MACROD2: variants seen among roughly 807,000 people sequenced by gnomAD.
The protein encoded by MACROD2 is ADP-ribose glycohydrolase MACROD2.
MACROD2 carries 36 observed loss-of-function variants against 70.4 expected under a neutral mutation model. That is an observed-to-expected ratio of 0.51 (90% CI 0.39 to 0.68). MACROD2 has a LOEUF of 0.68. Ranked by LOEUF, MACROD2 falls within the 30% of genes least tolerant of loss-of-function variation. The pLI is 0.00. For synonymous variants in MACROD2, 172 were observed against 178.8 expected (o/e 0.96, Z 0.30); for missense variants, 496 against 538.4 (o/e 0.92, Z 0.78).
chr20:14,126,271 C>T (rs1057073803), intron 3 of MACROD2, among the ~76,000 whole-genome samples: 1 of 152,180 alleles, frequency 6.6e-6, no homozygotes, highest in Non-Finnish European at 1.5e-5. Context: ...TCTGTGCATG[C>T]GCTTCCCTGG....
intron 5 of MACROD2, among the ~76,000 whole-genome samples, chr20:14,714,556 C>T (rs148267551): frequency 1.2e-4 from 18 of 152,336 alleles, no homozygotes; most frequent in African/African-American, 3.1e-4. Context: ...GCCTTCTCTT[C>T]GGTCTCATCC....
At chr20:15,489,741 T>A (rs903026883) in intron 7 of MACROD2, among the ~76,000 whole-genome samples, 1 of 152,112 alleles carries the variant, frequency 6.6e-6, no homozygotes, top group African/African-American at 2.4e-5. Flanking sequence ...GACTGGAGTG[T>A]CTGACATAGA....
At chr20:14,506,099 A>T (rs2084966659) in intron 4 of MACROD2, among the ~76,000 whole-genome samples, 1 of 152,088 alleles carries the variant, frequency 6.6e-6, no homozygotes, top group African/African-American at 2.4e-5. Flanking sequence ...ATAGACTTTG[A>T]GTGGTGAGTG....
intron 8 of MACROD2, among the ~76,000 whole-genome samples, chr20:15,562,342 G>A (rs1173065367): frequency 2.6e-5 from 4 of 152,310 alleles, no homozygotes; most frequent in Non-Finnish European, 4.4e-5. Context: ...TGAAGCCCAT[G>A]TGTGAATACA....
chr20:15,158,082 A>G (rs1352171940), intron 5 of MACROD2, among the ~76,000 whole-genome samples: 2 of 152,150 alleles, frequency 1.3e-5, no homozygotes, highest in Non-Finnish European at 2.9e-5. Flanking sequence ...TATGAAATAA[A>G]TGGAGGTGTT....
intron 3 of MACROD2, among the ~76,000 whole-genome samples, chr20:14,476,252 C>T (rs1182174010): frequency 6.6e-6 from 1 of 152,142 alleles, no homozygotes; most frequent in Non-Finnish European, 1.5e-5. Flanking sequence ...AACAAATATA[C>T]TGAGTTTCCT....
At chr20:15,829,296 T>G (rs2147114205) in intron 8 of MACROD2, among the ~76,000 whole-genome samples, 1 of 152,258 alleles carries the variant, frequency 6.6e-6, no homozygotes, top group South Asian at 2.1e-4. Context: ...TTTCTCCTTC[T>G]CTCCTATCCC....
intron 6 of MACROD2, among the ~76,000 whole-genome samples, chr20:15,354,817 T>C (rs1006296920): frequency 3.3e-5 from 5 of 152,172 alleles, no homozygotes; most frequent in African/African-American, 1.2e-4. Context: ...GAAAAATTGC[T>C]TATATTCATG....
At chr20:15,897,415 T>C (rs903595223) in intron 10 of MACROD2, among the ~76,000 whole-genome samples, 13 of 152,198 alleles carry the variant, frequency 8.5e-5, no homozygotes, top group Admixed American at 3.3e-4. Flanking sequence ...TAGAATTTGC[T>C]GTACTTCTTG....
chr20:14,754,833 G>T, intron 5 of MACROD2, among the ~76,000 whole-genome samples: 1 of 147,928 alleles, frequency 6.8e-6, no homozygotes, highest in African/African-American at 2.5e-5. Flanking sequence ...GGGGATAGTG[G>T]ATTTCCATGA....
intron 5 of MACROD2, among the ~76,000 whole-genome samples, chr20:15,032,725 G>C (rs572626604): frequency 6.6e-6 from 1 of 152,108 alleles, no homozygotes; most frequent in Non-Finnish European, 1.5e-5. Flanking sequence ...TCACTTTTTG[G>C]CATATACCTA....
chr20:15,996,928 A>T (rs2066640263), intron 15 of MACROD2, among the ~76,000 whole-genome samples: 1 of 152,162 alleles, frequency 6.6e-6, no homozygotes, highest in African/African-American at 2.4e-5. Context: ...GTGGGTATCC[A>T]GTTTTCCCAG....
intron 3 of MACROD2, among the ~76,000 whole-genome samples, chr20:14,357,914 G>GGAGCT (rs2083188249): frequency 6.6e-6 from 1 of 152,180 alleles, no homozygotes; most frequent in African/African-American, 2.4e-5. Context: ...AAAAAACTTT[G>GGAGCT]GAGCTGCCAC....
intron 8 of MACROD2, among the ~76,000 whole-genome samples, chr20:15,683,896 T>C (rs1289944710): frequency 6.6e-6 from 1 of 152,166 alleles, no homozygotes; most frequent in Non-Finnish European, 1.5e-5. Flanking sequence ...CTTGCTGTTA[T>C]CATTATTATT....
chr20:14,043,470 T>C (rs553895080), intron 2 of MACROD2, among the ~76,000 whole-genome samples: 40 of 152,358 alleles, frequency 2.6e-4, no homozygotes, highest in Non-Finnish European at 5.1e-4. Flanking sequence ...TGTGTTCAGC[T>C]ATCTGGAAGC....
intron 3 of MACROD2, among the ~76,000 whole-genome samples, chr20:14,344,184 A>G (rs1333395232): frequency 2.0e-5 from 3 of 152,204 alleles, no homozygotes; most frequent in Non-Finnish European, 2.9e-5. Flanking sequence ...ATTAATGACT[A>G]TGGAAATTGC....
intron 3 of MACROD2, among the ~76,000 whole-genome samples, chr20:14,249,128 G>GTTTTTT (rs1173672516): frequency 5.8e-5 from 6 of 103,074 alleles, no homozygotes; most frequent in Admixed American, 2.1e-4. Context: ...GATTTCAAAG[G>GTTTTTT]TTTTTTTTTT....
chr20:15,727,676 AG>A (rs1264704357), intron 8 of MACROD2, among the ~76,000 whole-genome samples: 1 of 152,034 alleles, frequency 6.6e-6, no homozygotes, highest in African/African-American at 2.4e-5. Flanking sequence ...CTGTATTCCT[AG>A]GTATTTTATT....
intron 5 of MACROD2, among the ~76,000 whole-genome samples, chr20:14,726,100 T>A (rs1420802140): frequency 1.3e-5 from 2 of 152,180 alleles, no homozygotes; most frequent in Non-Finnish European, 2.9e-5. Context: ...TTCTTCATAA[T>A]GGTCATACCA....
Sources: gnomAD v4.1 joint callset for allele counts (sites outside exome capture counted in the v4.1 genomes callset) on GRCh38, gnomAD v4.1.1 for gene constraint, MANE v1.5 for transcripts, NCBI Gene and HGNC (gene_info 2026-07-23, HGNC 2026-07-21) for gene names.